Variants in FBRS observed in about 807,000 individuals in gnomAD.
FBRS encodes probable fibrosin-1.
A neutral mutation model predicts 86.1 loss-of-function variants in FBRS; 15 were observed. That is an observed-to-expected ratio of 0.17 (90% confidence interval 0.12 to 0.27). The LOEUF (loss-of-function observed/expected upper bound fraction) is 0.27, where lower values mean the gene tolerates loss of function less well. Among genes scored for constraint, FBRS ranks in the 10% least tolerant of loss-of-function variants. The probability of loss-of-function intolerance (pLI) is 1.00; values close to 1 mark genes in which losing one functional copy is unlikely to be tolerated. For missense variants in FBRS, 1,367 were observed against 1,301.6 expected, an observed-to-expected ratio of 1.05 and a Z score of -0.77; for synonymous variants, 666 against 575.8, an observed-to-expected ratio of 1.16 and a Z score of -2.24.
At position 30,662,954 on chromosome 16, in the gene FBRS, A is replaced by G. The variant is rs2052479242; in HGVS notation, c.1055+95A>G. 10 of 1,325,356 alleles carry G rather than the reference A, an allele frequency of 7.5e-6. No homozygotes were observed. The Admixed American group carries it at 3.4e-4, about 45-fold the overall frequency. 82.1% of individuals were successfully genotyped at this position (1,325,356 alleles called of 1,614,324 possible). A position where few individuals can be genotyped will look rare whatever the true frequency, so the allele number is the denominator to read the frequency against. ...GTACCTGTGGGGTATGACTTGAAAA[A>G]GGATTCTGAGACTGAAAAGTTTGAG... On this transcript the variant is annotated intron_variant, in intron 6 of 17. Coordinates refer to ENST00000356166, the MANE Select transcript of FBRS (RefSeq NM_001105079.3).
Position 30,669,014 on chromosome 16 carries a change from C to T in FBRS, c.2366+35C>T, listed in dbSNP as rs369543989. The T allele has an allele frequency of 2.4e-5, 37 of 1,563,172 alleles. No homozygotes were observed. Among genetic ancestry groups the T allele is most frequent in the Admixed American group, 3.8e-5 (2 of 53,080 alleles). ...CCACCCACCCTGCCCCTGCCCCACC[C>T]TCAGCCCCTGCTGCCCCTGGAGAAC... On this transcript the variant is annotated intron_variant, in intron 17 of 17. Coordinates refer to ENST00000356166, the MANE Select transcript of FBRS (RefSeq NM_001105079.3). The surrounding 1 kb of genome is among the most constrained non-coding windows in gnomAD (Gnocchi z 5.9).
intron 6 of FBRS, among the ~76,000 whole-genome samples, chr16:30,663,889 C>T (rs2052488912): frequency 1.3e-5 from 2 of 152,172 alleles, no homozygotes; most frequent in Non-Finnish European, 2.9e-5. Flanking sequence ...GGGTGGGACC[C>T]CAGGTGGCTT....
Position 30,658,763 on chromosome 16 carries a change from C to A in FBRS, c.-756C>A, listed in dbSNP as rs1020080415. 6.6e-6 allele frequency: 1 copy of A among 152,226 alleles called. No homozygotes were observed. Among genetic ancestry groups the A allele is most frequent in the Non-Finnish European group, 1.5e-5 (1 of 68,052 alleles). The allele number at this position is 152,226 out of a possible 1,614,324, so 9.4% of individuals were successfully genotyped here. ...CTGGAGGAGCTGGGCCCGGAGGAGG[C>A]CCCTTTAAATCTCCTTAAAGGGGTG... is the stretch of plus-strand genomic sequence containing the variant. On this transcript the variant is annotated 5_prime_UTR_variant, in exon 1 of 18. Transcript: ENST00000356166.
intron 1 of FBRS, 38 bp downstream of exon 1, chr16:30,660,015 C>T (rs2052437692): frequency 1.3e-6 from 2 of 1,532,896 alleles, no homozygotes; most frequent in African/African-American, 2.8e-5. Flanking sequence ...TGGGGGTTTC[C>T]GAGGGGCAGC....
At chr16:30,667,796 G>T in intron 15 of FBRS, 174 bp downstream of exon 15, 1 of 534,394 alleles carries the variant, frequency 1.9e-6, no homozygotes, top group Non-Finnish European at 3.2e-6. Flanking sequence ...TGTAAAATGA[G>T]TAGGGAAGGG....
intron 12 of FBRS, 125 bp from the exon 13 acceptor site, chr16:30,666,794 T>C (rs2052527013): frequency 2.2e-5 from 25 of 1,158,702 alleles, no homozygotes; most frequent in Non-Finnish European, 3.2e-5. Flanking sequence ...AGTCATCCCT[T>C]GGTTGTAGGA....
At chr16:30,662,257 C>T (rs1471728639) in intron 4 of FBRS, 163 bp from the exon 5 acceptor site, 7 of 1,097,638 alleles carry the variant, frequency 6.4e-6, no homozygotes, top group Non-Finnish European at 9.0e-6. Context: ...TTTCTCCAAG[C>T]TCAGCCCCCT....
Position 30,661,271 on chromosome 16 carries a change from T to C in FBRS, c.676-33T>C, listed in dbSNP as rs1182082130. 4 of 1,550,782 alleles carry C rather than the reference T, an allele frequency of 2.6e-6. No homozygotes were observed. The South Asian group carries it at 4.8e-5, about 18-fold the overall frequency. On this transcript the variant is annotated intron_variant, in intron 3 of 17. Transcript: ENST00000356166. ...CCTGCTCCACCCTGGGCCTCTTCCC[T>C]CTCGTGACACCTCTGTCTTTCCTTC... is the stretch of plus-strand genomic sequence containing the variant.
At chr16:30,663,565 G>A (rs2052485637) in intron 6 of FBRS, among the ~76,000 whole-genome samples, 1 of 152,182 alleles carries the variant, frequency 6.6e-6, no homozygotes, top group East Asian at 1.9e-4. Context: ...CATTGATGCA[G>A]TTCAGATGGT....
Position 30,667,406 on chromosome 16 carries a change from C to G in FBRS, c.1962C>G (p.Leu654=). The change falls in exon 14 of 18, where the codon CTC becomes CTG. Residue 654 remains leucine, a synonymous_variant. Transcript: ENST00000356166. ...GGGCCCTGCCCCCTGGGCAGGAGCT[C>G]TCCCACCCGGCCTCCCTCTTCACTG... ...PYGALPPGQE[L]SHPASLFTAT... 6.5e-7 allele frequency: 1 copy of G among 1,550,146 alleles called. No individual in the cohort carries two copies. Among genetic ancestry groups the G allele is most frequent in the Non-Finnish European group, 8.7e-7 (1 of 1,146,020 alleles).
chr16:30,661,136 C>T, intron 2 of FBRS, 44 bp from the exon 3 acceptor site: 2 of 1,549,830 alleles, frequency 1.3e-6, no homozygotes, highest in Non-Finnish European at 1.7e-6. Context: ...TCCCAGCTGC[C>T]TCAGCAGCCG....
intron 12 of FBRS, 147 bp from the exon 13 acceptor site, chr16:30,666,772 T>C: frequency 1.8e-6 from 2 of 1,114,364 alleles, no homozygotes; most frequent in Non-Finnish European, 2.6e-6. Context: ...TCCTAGGCTG[T>C]AAAATGAACC....
At position 30,659,455 on chromosome 16, in the gene FBRS, C is replaced by T. The variant is rs1015308831; in HGVS notation, c.-64C>T. The T allele has an allele frequency of 4.1e-6, 1 of 242,802 alleles. No homozygotes were observed. The highest frequency in any genetic ancestry group is 7.9e-6 in the Non-Finnish European group (1 of 126,940). The allele number at this position is 242,802 out of a possible 1,614,324, so 15.0% of individuals were successfully genotyped here. On this transcript the variant is annotated 5_prime_UTR_variant, in exon 1 of 18. Transcript: ENST00000356166. ...GCCGCCAGCGCCGCGCCTGCGACCC[C>T]GGGCCTGCGGACAGGCCGCTTCGGG... is the stretch of plus-strand genomic sequence containing the variant.
At chr16:30,667,517 A>G (rs1431486793) in intron 14 of FBRS, 25 bp from the exon 15 acceptor site, 17 of 1,521,758 alleles carry the variant, frequency 1.1e-5, no homozygotes, top group African/African-American at 1.4e-5. Context: ...CAGCCTCATC[A>G]GAATCTCCCA....
rs2052470721 is a variant in FBRS, at chr16:30,662,241, C to G, written c.706-179C>G. On this transcript the variant is annotated intron_variant, in intron 4 of 17. Transcript: ENST00000356166. ...GATTCTTGGGGTCAGCTGCTCCACT[C>G]TGCTTTTTCTCCAAGCTCAGCCCCC... The G allele has an allele frequency of 1.2e-5, 11 of 930,942 alleles. No homozygotes were observed. In the South Asian group the frequency reaches 1.9e-4, roughly 16 times the overall value. 57.7% of individuals were successfully genotyped at this position (930,942 alleles called of 1,614,324 possible).
rs1335701045 is a variant in FBRS at position 30,664,335 on chromosome 16, GC to G, written c.1181del (p.Pro394ArgfsTer63). On this transcript the variant is annotated frameshift_variant, in exon 7 of 18. Transcript: ENST00000356166. LOFTEE classifies it high-confidence loss of function. ...SSSSAQLTHR[P>X]PTPSLPLPLS... ...CCTCGTCCGCGCAGCTCACCCACCG[GC>G]CCCCGACGCCCTCACTGCCCCTGCC... is the stretch of plus-strand genomic sequence containing the variant. 3 of 1,535,752 alleles carry G rather than the reference GC, an allele frequency of 2.0e-6. No individual in the cohort carries two copies. The highest frequency in any genetic ancestry group is 1.4e-5 in the African/African-American group (1 of 72,240).
Position 30,664,492 on chromosome 16 carries a change from G to T in FBRS, c.1333G>T (p.Ala445Ser). 1 of 1,415,760 alleles carries T rather than the reference G, an allele frequency of 7.1e-7. No homozygotes were observed. The highest frequency in any genetic ancestry group is 1.5e-5 in the African/African-American group (1 of 68,690). 87.7% of individuals were successfully genotyped at this position (1,415,760 alleles called of 1,614,324 possible). ...PLLQVPGHPG[A>S]SAANALSEQD... ...GCTGCAGGTGCCAGGGCACCCTGGGGCCTCAGCCGCTAACGCCCTTTCTGG... is the reference window on the plus strand; with the variant it reads ...GCTGCAGGTGCCAGGGCACCCTGGGTCCTCAGCCGCTAACGCCCTTTCTGG... The change falls in exon 7 of 18, where the codon GCC becomes TCC. Residue 445 changes from alanine (A) to serine (S), a missense_variant. This residue lies in a region of FBRS where 702 missense variants were observed against 598.7 expected (regional missense o/e 1.17). Transcript: ENST00000356166.
At position 30,668,999 on chromosome 16, in the gene FBRS, T is replaced by TCCCCCCCCCC; in HGVS notation, c.2366+20_2366+21insCCCCCCCCCC. 1 of 319,468 alleles carries TCCCCCCCCCC rather than the reference T, an allele frequency of 3.1e-6. No homozygotes were observed. The highest frequency in any genetic ancestry group is 3.8e-5 in the South Asian group (1 of 26,124). The allele number at this position is 319,468 out of a possible 1,614,324, so 19.8% of individuals were successfully genotyped here. On this transcript the variant is annotated intron_variant, in intron 17 of 17. Coordinates refer to ENST00000356166, the MANE Select transcript of FBRS (RefSeq NM_001105079.3). ...GGACAGGTGTGCCTCCCACCCACCC[T>TCCCCCCCCCC]GCCCCTGCCCCACCCTCAGCCCCTG...
chr16:30,660,719 C>A (rs918017793), intron 2 of FBRS: 4 of 497,518 alleles, frequency 8.0e-6, no homozygotes, highest in Non-Finnish European at 3.3e-6. Flanking sequence ...ATTGTGGTTC[C>A]TGCCCTTCCT....
Sources: allele counts gnomAD v4.1 joint callset (sites outside exome capture counted in the v4.1 genomes callset), GRCh38; gene constraint gnomAD v4.1.1; regional missense constraint gnomAD v4.1.1; non-coding constraint Gnocchi (gnomAD v3.1); transcripts MANE v1.5; gene names NCBI Gene and HGNC (gene_info 2026-07-23, HGNC 2026-07-21).